The following TSR1 variants were observed in gnomAD, a reference collection of about 807,000 sequenced individuals.
TSR1 encodes TSR1 ribosome maturation factor, also known as pre-rRNA-processing protein TSR1 homolog.
In TSR1, 81 loss-of-function variants were observed where a neutral mutation model predicts 90.9. The observed-to-expected ratio is 0.89, with a 90% CI of 0.74 to 1.07. TSR1 has a LOEUF of 1.07. TSR1 is among the 50% of genes least tolerant of loss of function. The pLI, the probability that TSR1 is intolerant of heterozygous loss-of-function variation, is 0.00. For missense variants in TSR1, 989 were observed against 987.3 expected, an observed-to-expected ratio of 1.00 and a Z score of -0.02; for synonymous variants, 362 against 348.8, an observed-to-expected ratio of 1.04 and a Z score of -0.42.
In TSR1 at chr17:2,324,254, G is replaced by C. The variant is rs757103701; in HGVS notation, c.2357C>G (p.Pro786Arg). Residue 786 changes from proline to arginine, a missense_variant, in exon 15 of 15, where the codon CCA becomes CGA. Pro to Arg is a moderately radical substitution (Grantham distance 103, BLOSUM62 -2). Transcript: ENST00000301364. ...AATCTCACTTTTCAGCCAGGGTACT[G>C]GTTCTGGTACATATGGATCATAAGT... is the stretch of plus-strand genomic sequence containing the variant. ...KWTYDPYVPE[P>R]VPWLKSEISS... The C allele has an allele frequency of 2.5e-5, 38 of 1,541,982 alleles. No homozygotes were observed. The highest frequency in any genetic ancestry group is 4.3e-5 in the Admixed American group (2 of 45,996).
intron 4 of TSR1, 27 bp downstream of exon 4, chr17:2,335,233 G>A (rs2064045095): frequency 6.2e-7 from 1 of 1,609,090 alleles, no homozygotes; most frequent in South Asian, 1.1e-5. Flanking sequence ...CAAATTAAAG[G>A]TGCACAATAA....
Position 2,324,369 on chromosome 17 carries a change from G to GGTAC in TSR1, c.2241_2242insGTAC (p.His748ValfsTer10), listed in dbSNP as rs749561110. On this transcript the variant is annotated frameshift_variant, in exon 15 of 15. Transcript: ENST00000301364. LOFTEE classifies it high-confidence loss of function. ...TCAAAGCTGCATTTCATGTGGCCAT[G>GGTAC]GGTACCTAGAAAGACATCAGAACAA... The GGTAC allele has an allele frequency of 6.4e-7, 1 of 1,573,316 alleles. No homozygotes were observed. The highest frequency in any genetic ancestry group is 1.9e-5 in the Admixed American group (1 of 53,784).
chr17:2,335,849 C>CACAG, intron 2 of TSR1, 119 bp from the exon 3 acceptor site: 1 of 1,314,316 alleles, frequency 7.6e-7, no homozygotes, highest in Non-Finnish European at 1.0e-6. Flanking sequence ...AGTAAAAGAC[C>CACAG]ACAGGTATGC....
intron 5 of TSR1, 77 bp from the exon 6 acceptor site, chr17:2,333,793 A>G: frequency 3.2e-6 from 5 of 1,563,220 alleles, no homozygotes; most frequent in Non-Finnish European, 4.4e-6. Context: ...AGAAAGACCC[A>G]GAAATATCAG....
At chr17:2,335,970 C>T in intron 2 of TSR1, 67 bp downstream of exon 2, 2 of 1,527,662 alleles carry the variant, frequency 1.3e-6, no homozygotes. Context: ...TCTCATTTTC[C>T]ACTTCGAGGC....
rs780017699 is a variant in TSR1, at chr17:2,333,005, A to AT, written c.1260dup (p.Tyr421IlefsTer2). 4.3e-6 allele frequency: 7 copies of AT among 1,613,382 alleles called. No homozygotes were observed. Among genetic ancestry groups the AT allele is most frequent in the Non-Finnish European group, 1.7e-6 (2 of 1,179,506 alleles). ...AAATCCTCATGTTCCATATCATCATATTCATATTCATCTCCTTCCCCACCA... is the reference window on the plus strand; with the variant it reads ...AAATCCTCATGTTCCATATCATCATATTTCATATTCATCTCCTTCCCCACCA... On this transcript the variant is annotated frameshift_variant, in exon 7 of 15. Transcript: ENST00000301364. LOFTEE classifies it high-confidence loss of function.
In TSR1 at chr17:2,323,860, C is replaced by A; in HGVS notation, c.*336G>T. On this transcript the variant is annotated 3_prime_UTR_variant, in exon 15 of 15. Transcript: ENST00000301364. ...GCTGAAAGGCCAGCTTCTTATCAGT[C>A]TGTTTCTGTTTAATTTACAGAAAAG... is the stretch of plus-strand genomic sequence containing the variant. 2 of 1,613,880 alleles carry A rather than the reference C, an allele frequency of 1.2e-6. No individual in the cohort carries two copies. Among genetic ancestry groups the A allele is most frequent in the South Asian group, 2.2e-5 (2 of 91,012 alleles).
At position 2,323,548 on chromosome 17, in the gene TSR1, C is replaced by T. The variant is rs1597271987; in HGVS notation, c.*648G>A. The stretch of plus-strand genomic sequence containing the variant: ...AGAAAAGCTTTGGGAAGCGTGTGTA[C>T]ACAGTGATAAGAAAATTCAAACTGG... On this transcript the variant is annotated 3_prime_UTR_variant, in exon 15 of 15. Transcript: ENST00000301364. 8.6e-6 allele frequency: 11 copies of T among 1,283,338 alleles called. No homozygotes were observed. The South Asian group carries it at 1.4e-4, about 17-fold the overall frequency. The allele number at this position is 1,283,338 out of a possible 1,614,324, so 79.5% of individuals were successfully genotyped here. A position where few individuals can be genotyped will look rare whatever the true frequency, so the allele number is the denominator to read the frequency against.
rs2075548938 is a variant in TSR1 at position 2,323,227 on chromosome 17, A to G, written c.*969T>C. 2 of 1,614,232 alleles carry G rather than the reference A, an allele frequency of 1.2e-6. No homozygotes were observed. The highest frequency in any genetic ancestry group is 1.7e-6 in the Non-Finnish European group (2 of 1,180,042). On this transcript the variant is annotated 3_prime_UTR_variant, in exon 15 of 15. Coordinates refer to ENST00000301364, the MANE Select transcript of TSR1 (RefSeq NM_018128.5). The stretch of plus-strand genomic sequence containing the variant: ...AAGCTGAAGGGGAAACTGATGCCCA[A>G]TCTTTATCCTCCAGAAACCATAGCA...
chr17:2,331,641 G>A (rs918961508), intron 8 of TSR1, among the ~76,000 whole-genome samples: 1 of 152,266 alleles, frequency 6.6e-6, no homozygotes, highest in Non-Finnish European at 1.5e-5. Context: ...CCAACACCAT[G>A]CTTCCTGTAC....
intron 11 of TSR1, chr17:2,329,030 G>A (rs778969992): frequency 1.3e-4 from 65 of 501,708 alleles, no homozygotes; most frequent in Non-Finnish European, 2.4e-4. Flanking sequence ...GATTACAGGT[G>A]TGAACCACTG....
chr17:2,326,058 C>G (rs1464317108), intron 11 of TSR1, among the ~76,000 whole-genome samples: 3 of 152,184 alleles, frequency 2.0e-5, no homozygotes, highest in African/African-American at 7.2e-5. Flanking sequence ...TCCCGAATAG[C>G]TGGAATTGCA....
rs763869723 is a variant in TSR1, at chr17:2,323,638, CCCTT to C, written c.*554_*557del. 2 of 1,612,534 alleles carry C rather than the reference CCCTT, an allele frequency of 1.2e-6. No homozygotes were observed. The highest frequency in any genetic ancestry group is 3.3e-5 in the Admixed American group (2 of 60,014). On this transcript the variant is annotated 3_prime_UTR_variant, in exon 15 of 15. Transcript: ENST00000301364. ...GACTCCCCTTTCACTAATTCCTACT[CCCTT>C]CCATATCAACAGTGTGCAACCCAGC...
chr17:2,325,276 G>T (rs928722570), intron 12 of TSR1, 28 bp downstream of exon 12: 2 of 1,533,570 alleles, frequency 1.3e-6, no homozygotes, highest in Admixed American at 3.7e-5. Context: ...GACCTGCAGG[G>T]TCTGTTCATC....
Position 2,333,010 on chromosome 17 carries a change from T to C in TSR1, c.1256A>G (p.Tyr419Cys). ...GSQSGGEGDE[Y>C]EYDDMEHEDF... is the part of the protein sequence containing the mutation. ...CTCATGTTCCATATCATCATATTCA[T>C]ATTCATCTCCTTCCCCACCACTTTG... The change falls in exon 7 of 15, where the codon TAT (tyrosine) becomes TGT (cysteine). Residue 419 changes from tyrosine (Y) to cysteine (C), a missense_variant. Tyr to Cys is a radical substitution (Grantham distance 194). Transcript: ENST00000301364. 1.2e-6 allele frequency: 2 copies of C among 1,614,168 alleles called. No homozygotes were observed. The highest frequency in any genetic ancestry group is 1.7e-6 in the Non-Finnish European group (2 of 1,180,020).
intron 11 of TSR1, among the ~76,000 whole-genome samples, chr17:2,326,073 C>T (rs1017475220): frequency 1.3e-5 from 2 of 152,230 alleles, no homozygotes; most frequent in South Asian, 4.1e-4. Flanking sequence ...ATTGCAGGTG[C>T]CTGATCAGTA....
At chr17:2,330,096 T>C (rs1283428964) in intron 10 of TSR1, 1 of 329,742 alleles carries the variant, frequency 3.0e-6, no homozygotes, top group African/African-American at 2.2e-5. Context: ...ATTTTGTATT[T>C]TTGGTAGAGA....
intron 10 of TSR1, chr17:2,330,245 AC>A (rs1403917646): frequency 1.7e-6 from 1 of 578,384 alleles, no homozygotes; most frequent in East Asian, 4.3e-5. Flanking sequence ...AAGGCTGCCA[AC>A]CCTTATTCAA....
chr17:2,323,182 C>G lies in TSR1; in HGVS notation c.*1014G>C. On this transcript the variant is annotated 3_prime_UTR_variant, in exon 15 of 15. Coordinates refer to ENST00000301364, the MANE Select transcript of TSR1 (RefSeq NM_018128.5). ...GTATATGCTGCTGAACCCTCAAATGCAGATGACTGCTACCAGTCCAAGCTG... is the reference window on the plus strand; with the variant it reads ...GTATATGCTGCTGAACCCTCAAATGGAGATGACTGCTACCAGTCCAAGCTG... The G allele has an allele frequency of 6.2e-7, 1 of 1,614,206 alleles. No homozygotes were observed. Among genetic ancestry groups the G allele is most frequent in the South Asian group, 1.1e-5 (1 of 91,080 alleles).
Sources: allele counts gnomAD v4.1 joint callset (sites outside exome capture counted in the v4.1 genomes callset), GRCh38; gene constraint gnomAD v4.1.1; transcripts MANE v1.5; gene names NCBI Gene and HGNC (gene_info 2026-07-23, HGNC 2026-07-21).